The following HS6ST3 variants were observed in gnomAD, a reference collection of about 807,000 sequenced individuals.
HS6ST3 encodes heparan sulfate 6-O-sulfotransferase 3.
Under a neutral mutation model 36.7 loss-of-function variants are expected in HS6ST3, and 12 were observed. That is an observed-to-expected ratio of 0.33 (90% CI 0.21 to 0.53). The LOEUF is 0.53. HS6ST3 is among the 20% of genes least tolerant of loss of function. The pLI is 0.95. For synonymous variants in HS6ST3, 240 were observed against 257.5 expected (o/e 0.93, Z 0.65); for missense variants, 584 against 640.9 (o/e 0.91, Z 0.96).
At chr13:96,668,543 A>G (rs1302170261) in intron 1 of HS6ST3, among the ~76,000 whole-genome samples, 2 of 152,098 alleles carry the variant, frequency 1.3e-5, no homozygotes, top group Admixed American at 6.6e-5. Flanking sequence ...TCACAGAGCT[A>G]CTGTCGCTGC....
chr13:96,299,622 C>A (rs1022498840), intron 1 of HS6ST3, among the ~76,000 whole-genome samples: 1 of 152,188 alleles, frequency 6.6e-6, no homozygotes, highest in Admixed American at 6.5e-5. Context: ...GGCAGCAAGT[C>A]CATATTATGA....
intron 1 of HS6ST3, among the ~76,000 whole-genome samples, chr13:96,492,725 T>G (rs553137303): frequency 1.3e-5 from 2 of 152,316 alleles, no homozygotes; most frequent in South Asian, 2.1e-4. Flanking sequence ...ATTTGAGTCT[T>G]CTTATATATT....
chr13:96,112,271 G>T lies in HS6ST3; in HGVS notation c.707+20702G>T, dbSNP rs528246994. Among the ~76,000 whole-genome samples, 24 of 152,160 alleles carry T rather than the reference G, an allele frequency of 1.6e-4. No individual in the cohort carries two copies. In the South Asian group the frequency reaches 4.1e-3, roughly 26 times the overall value. ...TTTTAGATCTGTATTGCATAATTAT[G>T]TAACAACCTGCATCCCAGATGAATT... On this transcript the variant is annotated intron_variant, in intron 1 of 1. Transcript: ENST00000376705.
chr13:96,512,455 G>T (rs555242768), intron 1 of HS6ST3, among the ~76,000 whole-genome samples: 3 of 152,148 alleles, frequency 2.0e-5, no homozygotes, highest in Non-Finnish European at 4.4e-5. Flanking sequence ...GATTGTGGCT[G>T]TACTGAATTT....
chr13:96,332,435 C>A (rs2055076093), intron 1 of HS6ST3, among the ~76,000 whole-genome samples: 1 of 152,166 alleles, frequency 6.6e-6, no homozygotes, highest in Non-Finnish European at 1.5e-5. Flanking sequence ...AAAACTCTAA[C>A]AATCTGTTGA....
intron 1 of HS6ST3, among the ~76,000 whole-genome samples, chr13:96,832,100 G>T (rs1048682285): frequency 6.6e-6 from 1 of 151,772 alleles, no homozygotes; most frequent in Non-Finnish European, 1.5e-5. Flanking sequence ...AAAAAGGTTT[G>T]CTGTAAGGAT....
chr13:96,509,098 T>C (rs1393182980), intron 1 of HS6ST3, among the ~76,000 whole-genome samples: 1 of 152,222 alleles, frequency 6.6e-6, no homozygotes, highest in African/African-American at 2.4e-5. Flanking sequence ...ATTTCTCTGA[T>C]GATCAGTGAT....
chr13:96,502,707 G>A (rs1204856038), intron 1 of HS6ST3, among the ~76,000 whole-genome samples: 5 of 152,144 alleles, frequency 3.3e-5, no homozygotes, highest in Non-Finnish European at 7.3e-5. Context: ...TGTCTGGGAC[G>A]GGAACATGCA....
At chr13:96,580,325 C>T (rs1342654108) in intron 1 of HS6ST3, among the ~76,000 whole-genome samples, 1 of 150,772 alleles carries the variant, frequency 6.6e-6, no homozygotes, top group Non-Finnish European at 1.5e-5. Flanking sequence ...TCATTTTCAC[C>T]TTCACTAAAC....
chr13:96,689,547 A>T (rs1302056182), intron 1 of HS6ST3, among the ~76,000 whole-genome samples: 1 of 148,236 alleles, frequency 6.7e-6, no homozygotes, highest in Non-Finnish European at 1.5e-5. Context: ...AAATGTGTTA[A>T]TTGGTTGCTT....
chr13:96,546,811 A>G (rs1266961810), intron 1 of HS6ST3, among the ~76,000 whole-genome samples: 1 of 152,176 alleles, frequency 6.6e-6, no homozygotes, highest in Non-Finnish European at 1.5e-5. Context: ...TTCAATTTAA[A>G]ATAAACTCCC....
At chr13:96,196,262 G>A (rs2054312224) in intron 1 of HS6ST3, among the ~76,000 whole-genome samples, 1 of 151,982 alleles carries the variant, frequency 6.6e-6, no homozygotes, top group Admixed American at 6.6e-5. Flanking sequence ...TTCTTATCTG[G>A]TCTCTGCCAT....
chr13:96,307,177 A>G (rs180936400), intron 1 of HS6ST3, among the ~76,000 whole-genome samples: 35 of 152,318 alleles, frequency 2.3e-4, no homozygotes, highest in Admixed American at 2.3e-3. Context: ...AGGGATTTTA[A>G]GATGATTCAG....
chr13:96,698,244 G>C (rs1335034598), intron 1 of HS6ST3, among the ~76,000 whole-genome samples: 1 of 151,948 alleles, frequency 6.6e-6, no homozygotes, highest in Admixed American at 6.6e-5. Flanking sequence ...CCCTTCCTGT[G>C]TCCATGTGTT....
chr13:96,448,467 C>T (rs1461764799), intron 1 of HS6ST3, among the ~76,000 whole-genome samples: 5 of 152,174 alleles, frequency 3.3e-5, no homozygotes, highest in African/African-American at 1.2e-4. Context: ...TCTGGCCAAA[C>T]TTTCAGTCCT....
chr13:96,631,595 C>T (rs1346888643), intron 1 of HS6ST3, among the ~76,000 whole-genome samples: 1 of 152,066 alleles, frequency 6.6e-6, no homozygotes, highest in East Asian at 1.9e-4. Context: ...GATTCTCAGC[C>T]CCAGTCTGTA....
intron 1 of HS6ST3, among the ~76,000 whole-genome samples, chr13:96,666,140 A>C (rs1363920391): frequency 6.6e-6 from 1 of 152,166 alleles, no homozygotes; most frequent in Non-Finnish European, 1.5e-5. Flanking sequence ...ACTTCTTTAC[A>C]TGGTGACAGG....
chr13:96,831,622 A>G (rs187911183), intron 1 of HS6ST3, among the ~76,000 whole-genome samples: 3 of 152,220 alleles, frequency 2.0e-5, no homozygotes, highest in South Asian at 4.1e-4. Flanking sequence ...ATCCTTCCTC[A>G]ACCAACCTAC....
intron 1 of HS6ST3, among the ~76,000 whole-genome samples, chr13:96,170,226 A>G (rs1342998074): frequency 6.6e-6 from 1 of 152,212 alleles, no homozygotes; most frequent in Non-Finnish European, 1.5e-5. Flanking sequence ...CCCATCAGCC[A>G]CTTATATTCA....
Sources: gnomAD v4.1 joint callset for allele counts (sites outside exome capture counted in the v4.1 genomes callset) on GRCh38, gnomAD v4.1.1 for gene constraint, MANE v1.5 for transcripts, NCBI Gene and HGNC (gene_info 2026-07-23, HGNC 2026-07-21) for gene names.